Variants in ENTHD1 observed in about 807,000 individuals in gnomAD.
The protein encoded by ENTHD1 is ENTH domain containing 1.
Under a neutral mutation model 39.1 loss-of-function variants are expected in ENTHD1, and 23 were observed. The observed-to-expected ratio is 0.59, with a 90% CI of 0.42 to 0.83. ENTHD1 has a LOEUF of 0.83. Ranked by LOEUF, ENTHD1 falls within the 40% of genes least tolerant of loss-of-function variation. The probability of loss-of-function intolerance (pLI) is 0.00; values close to 1 mark genes in which losing one functional copy is unlikely to be tolerated. For missense variants in ENTHD1, 624 were observed against 705.4 expected, an observed-to-expected ratio of 0.88 and a Z score of 1.31; for synonymous variants, 230 against 258.2, an observed-to-expected ratio of 0.89 and a Z score of 1.05.
rs186367302 is a variant in ENTHD1 at position 39,820,362 on chromosome 22, C to G, written c.832+631G>C. On this transcript the variant is annotated intron_variant, in intron 5 of 6. Coordinates refer to ENST00000325157, the MANE Select transcript of ENTHD1 (RefSeq NM_152512.4). The stretch of plus-strand genomic sequence containing the variant: ...AGGTGATGAAAGATACTAATGAGAA[C>G]GTTTCGTTCTCATGGTGGCAGAAGA... 2.6e-3 allele frequency among the ~76,000 whole-genome samples: 388 copies of G among 152,116 alleles called. 2 individuals carry two copies. The highest frequency in any genetic ancestry group is 4.3e-3 in the Non-Finnish European group (289 of 67,982).
intron 4 of ENTHD1, among the ~76,000 whole-genome samples, chr22:39,825,173 A>G (rs991369656): frequency 6.6e-6 from 1 of 152,230 alleles, no homozygotes. Flanking sequence ...ATTTGGATTT[A>G]TACATAAGTA....
chr22:39,862,128 T>A, intron 2 of ENTHD1, 121 bp from the exon 3 acceptor site: 1 of 632,296 alleles, frequency 1.6e-6, no homozygotes, highest in Non-Finnish European at 2.4e-6. Flanking sequence ...CTGCAGCAAA[T>A]AAAGAACTAC....
chr22:39,821,118 C>A lies in ENTHD1; in HGVS notation c.712-5G>T, dbSNP rs2065779926. The stretch of plus-strand genomic sequence containing the variant: ...ATCCAAAAATGTCATCAGGTCCTGA[C>A]AGAAAACACAAGAACATGAGAATTG... On this transcript the variant is annotated splice_region_variant and splice_polypyrimidine_tract_variant and intron_variant, in intron 4 of 6. Coordinates refer to ENST00000325157, the MANE Select transcript of ENTHD1 (RefSeq NM_152512.4). 1 of 1,613,488 alleles carries A rather than the reference C, an allele frequency of 6.2e-7. No homozygotes were observed. The highest frequency in any genetic ancestry group is 1.3e-5 in the African/African-American group (1 of 75,004).
At chr22:39,815,579 A>G (rs1013530722) in intron 5 of ENTHD1, among the ~76,000 whole-genome samples, 4 of 152,214 alleles carry the variant, frequency 2.6e-5, no homozygotes, top group Admixed American at 2.0e-4. Flanking sequence ...GGCATTACCT[A>G]GCAAATTTGA....
chr22:39,782,231 G>T (rs6001681), intron 5 of ENTHD1, among the ~76,000 whole-genome samples: 3,192 of 152,252 alleles, frequency 0.021, 116 homozygotes, highest in African/African-American at 0.073. Context: ...AAGTTGCAAT[G>T]GGCTGAGATT....
At chr22:39,829,448 T>C (rs1023553045) in intron 4 of ENTHD1, among the ~76,000 whole-genome samples, 1 of 152,146 alleles carries the variant, frequency 6.6e-6, no homozygotes, top group Non-Finnish European at 1.5e-5. Context: ...GTCTATTTTC[T>C]ACCTCAAAAG....
At chr22:39,752,074 T>G (rs762310688) in intron 6 of ENTHD1, among the ~76,000 whole-genome samples, 1 of 152,078 alleles carries the variant, frequency 6.6e-6, no homozygotes, top group African/African-American at 2.4e-5. Flanking sequence ...TCTCTCTCTA[T>G]AGAAGATAGA....
intron 3 of ENTHD1, among the ~76,000 whole-genome samples, chr22:39,845,797 C>T (rs553736334): frequency 6.6e-6 from 1 of 152,174 alleles, no homozygotes; most frequent in East Asian, 1.9e-4. Flanking sequence ...TCTCATTGAT[C>T]TGCAAGAATT....
At position 39,744,182 on chromosome 22, in the gene ENTHD1, G is replaced by A. The variant is rs2065085696; in HGVS notation, c.1321C>T (p.Leu441=). The A allele has an allele frequency of 1.2e-6, 2 of 1,614,140 alleles. No individual in the cohort carries two copies. Among genetic ancestry groups the A allele is most frequent in the Non-Finnish European group, 1.7e-6 (2 of 1,179,990 alleles). ...AGAGTCCAGAAGGAAGGTCCGGCCA[G>A]AATTGGTGATAAGAGATGAGCTGAC... The part of the protein sequence containing the change: ...EKSAHLLSPI[L]AGPSFWTLSH... The change falls in exon 7 of 7, where the codon CTG becomes TTG. Residue 441 remains leucine (L), a synonymous_variant. Transcript: ENST00000325157.
intron 2 of ENTHD1, among the ~76,000 whole-genome samples, chr22:39,881,138 A>T (rs150122066): frequency 4.4e-4 from 67 of 152,352 alleles, no homozygotes; most frequent in Middle Eastern, 3.4e-3. Context: ...AAAGTTAGCA[A>T]ATATAGAACA....
chr22:39,789,388 A>G (rs1393965439), intron 5 of ENTHD1, among the ~76,000 whole-genome samples: 1 of 152,112 alleles, frequency 6.6e-6, no homozygotes, highest in Non-Finnish European at 1.5e-5. Flanking sequence ...AAACACCATA[A>G]TCTGGCTTCC....
rs539648172 is a variant in ENTHD1 at position 39,846,736 on chromosome 22, T to C, written c.593-10778A>G. On this transcript the variant is annotated intron_variant, in intron 3 of 6. Transcript: ENST00000325157. Reference sequence around the variant, plus strand: ...CCCCATCAAAAAAATGGGCAAAGGATATGAACAGACACTTCTCAAAAGAAG... The same window carrying C: ...CCCCATCAAAAAAATGGGCAAAGGACATGAACAGACACTTCTCAAAAGAAG... 1.3e-3 allele frequency among the ~76,000 whole-genome samples: 199 copies of C among 152,118 alleles called. 1 individual carries two copies. Among genetic ancestry groups the C allele is most frequent in the African/African-American group, 4.3e-3 (177 of 41,446 alleles).
rs181653231 is a variant in ENTHD1, at chr22:39,858,402, C to T, written c.592+3363G>A. Among the ~76,000 whole-genome samples, 102 of 152,276 alleles carry T rather than the reference C, an allele frequency of 6.7e-4. 1 individual carries two copies. The highest frequency in any genetic ancestry group is 2.4e-3 in the African/African-American group (99 of 41,548). Reference sequence around the variant, plus strand: ...CCTTCCTCCACTGAAGTCTTGAACCCCTCAAAGTCATCCATAAGGGTTGGA... The same window carrying T: ...CCTTCCTCCACTGAAGTCTTGAACCTCTCAAAGTCATCCATAAGGGTTGGA... On this transcript the variant is annotated intron_variant, in intron 3 of 6. Transcript: ENST00000325157.
intron 2 of ENTHD1, among the ~76,000 whole-genome samples, chr22:39,879,113 AAAAC>A (rs1354727544): frequency 6.6e-6 from 1 of 152,088 alleles, no homozygotes; most frequent in Admixed American, 6.6e-5. Flanking sequence ...CTCAACAGTA[AAAAC>A]AAACAACCTG....
intron 2 of ENTHD1, 33 bp from the exon 3 acceptor site, chr22:39,862,040 A>T: frequency 1.4e-6 from 2 of 1,408,516 alleles, no homozygotes; most frequent in Non-Finnish European, 1.9e-6. Flanking sequence ...TTAGAAAAGG[A>T]AATACTAGTT....
intron 3 of ENTHD1, among the ~76,000 whole-genome samples, chr22:39,836,875 C>T (rs1025232636): frequency 1.3e-5 from 2 of 152,156 alleles, no homozygotes; most frequent in African/African-American, 4.8e-5. Context: ...CTTTGCCTTC[C>T]GCTATGATTG....
At chr22:39,890,291 T>C (rs964339075) in intron 1 of ENTHD1, among the ~76,000 whole-genome samples, 1 of 151,998 alleles carries the variant, frequency 6.6e-6, no homozygotes, top group Non-Finnish European at 1.5e-5. Context: ...TCATTTTTAT[T>C]TGGCACCTTC....
At chr22:39,875,987 G>T (rs1393276151) in intron 2 of ENTHD1, 1 of 1,613,818 alleles carries the variant, frequency 6.2e-7, no homozygotes, top group African/African-American at 1.3e-5. Flanking sequence ...AGATTTTGGT[G>T]GTTATTACTG....
chr22:39,872,850 CTTTT>C (rs35796089), intron 2 of ENTHD1, among the ~76,000 whole-genome samples: 1 of 140,090 alleles, frequency 7.1e-6, no homozygotes. Flanking sequence ...AGTAAAATCA[CTTTT>C]TTTTTTTTTT....
Sources: allele counts gnomAD v4.1 joint callset (sites outside exome capture counted in the v4.1 genomes callset), GRCh38; gene constraint gnomAD v4.1.1; transcripts MANE v1.5; gene names NCBI Gene and HGNC (gene_info 2026-07-23, HGNC 2026-07-21).